The following ADCY8 variants were observed in gnomAD, a reference collection of about 807,000 sequenced individuals.
ADCY8 encodes adenylate cyclase 8, also known as adenylate cyclase type 8.
A neutral mutation model predicts 119.7 loss-of-function variants in ADCY8; 51 were observed. That is an observed-to-expected ratio of 0.43 (90% confidence interval 0.34 to 0.54). ADCY8 has a LOEUF of 0.54. ADCY8 is among the 20% of genes least tolerant of loss of function. The pLI, the probability that ADCY8 is intolerant of heterozygous loss-of-function variation, is 0.03. For missense variants in ADCY8, 1,383 were observed against 1,598.8 expected (o/e 0.87, Z 2.30); for synonymous variants, 665 against 651.0 (o/e 1.02, Z -0.33).
At chr8:130,860,771 C>T (rs1455295402) in intron 9 of ADCY8, among the ~76,000 whole-genome samples, 19 of 152,122 alleles carry the variant, frequency 1.2e-4, no homozygotes, top group Non-Finnish European at 7.4e-5. Flanking sequence ...AGGTATTTGT[C>T]CTAAAGCTCT....
chr8:130,850,601 C>G (rs1292486585), intron 9 of ADCY8, among the ~76,000 whole-genome samples: 2 of 152,138 alleles, frequency 1.3e-5, no homozygotes, highest in South Asian at 2.1e-4. Context: ...ATTTTTCCAT[C>G]TCTATTTCAG....
At chr8:130,978,331 A>C (rs951580450) in intron 2 of ADCY8, among the ~76,000 whole-genome samples, 8 of 152,188 alleles carry the variant, frequency 5.3e-5, no homozygotes, top group African/African-American at 1.4e-4. Flanking sequence ...GACAGTGAGA[A>C]TGAAGAAAGA....
intron 8 of ADCY8, among the ~76,000 whole-genome samples, chr8:130,884,101 C>A (rs983818639): frequency 6.6e-6 from 1 of 152,092 alleles, no homozygotes; most frequent in Non-Finnish European, 1.5e-5. Context: ...CAGCAGACAA[C>A]TGGGGAAAGG....
intron 1 of ADCY8, among the ~76,000 whole-genome samples, chr8:131,021,514 G>A (rs1823666833): frequency 1.3e-5 from 2 of 152,106 alleles, no homozygotes; most frequent in South Asian, 2.1e-4. Flanking sequence ...GGTTCTATAT[G>A]TGATATGGTT....
intron 5 of ADCY8, 61 bp downstream of exon 5, chr8:130,937,012 G>T (rs1170439822): frequency 4.6e-6 from 7 of 1,535,282 alleles, no homozygotes; most frequent in Non-Finnish European, 3.5e-6. Context: ...AAGGGTAGGT[G>T]AAGTGGCCTG....
chr8:130,981,159 A>G (rs866518864), intron 2 of ADCY8, among the ~76,000 whole-genome samples: 101 of 152,350 alleles, frequency 6.6e-4, no homozygotes, highest in African/African-American at 2.3e-3. Context: ...AGACATTTGC[A>G]AAAGATTAGA....
chr8:130,944,280 A>G (rs1821044822), intron 3 of ADCY8, among the ~76,000 whole-genome samples: 2 of 152,200 alleles, frequency 1.3e-5, no homozygotes, highest in South Asian at 4.1e-4. Context: ...GCACTGAGGG[A>G]TATTGCTCCA....
chr8:130,996,404 A>AG (rs34057975), intron 1 of ADCY8, among the ~76,000 whole-genome samples: 1 of 152,186 alleles, frequency 6.6e-6, no homozygotes, highest in Non-Finnish European at 1.5e-5. Context: ...AAGAGATTAG[A>AG]GGGGGGTCTT....
At chr8:130,971,240 C>T (rs896824833) in intron 2 of ADCY8, among the ~76,000 whole-genome samples, 1 of 152,112 alleles carries the variant, frequency 6.6e-6, no homozygotes, top group African/African-American at 2.4e-5. Context: ...TAGACATCAC[C>T]TGTATTTGGT....
chr8:130,929,687 A>G (rs986308031), intron 5 of ADCY8, among the ~76,000 whole-genome samples: 1 of 152,148 alleles, frequency 6.6e-6, no homozygotes, highest in African/African-American at 2.4e-5. Flanking sequence ...ATGTTTCCTT[A>G]TTGATTTCCT....
chr8:130,993,612 A>G (rs1044028459), intron 1 of ADCY8, among the ~76,000 whole-genome samples: 3 of 152,192 alleles, frequency 2.0e-5, no homozygotes, highest in Non-Finnish European at 4.4e-5. Flanking sequence ...ATGGTAGTGA[A>G]TAAGTCTTAA....
chr8:130,808,739 G>A (rs1203618231), intron 14 of ADCY8, among the ~76,000 whole-genome samples: 3 of 152,114 alleles, frequency 2.0e-5, no homozygotes, highest in African/African-American at 4.8e-5. Flanking sequence ...CAGCAAGGTC[G>A]GTATTATTTC....
At chr8:130,857,500 C>T (rs928018234) in intron 9 of ADCY8, among the ~76,000 whole-genome samples, 3 of 152,146 alleles carry the variant, frequency 2.0e-5, no homozygotes, top group Non-Finnish European at 2.9e-5. Flanking sequence ...GCCTCTGACC[C>T]GTAGCATTTC....
intron 2 of ADCY8, among the ~76,000 whole-genome samples, chr8:130,982,364 T>C (rs979806509): frequency 1.3e-5 from 2 of 152,156 alleles, no homozygotes; most frequent in African/African-American, 4.8e-5. Flanking sequence ...CAGGAAACAT[T>C]AGAGGATGCT....
At chr8:130,846,756 C>G (rs1817319993) in intron 11 of ADCY8, among the ~76,000 whole-genome samples, 1 of 129,604 alleles carries the variant, frequency 7.7e-6, no homozygotes, top group African/African-American at 3.1e-5. Flanking sequence ...TACCTTCTGT[C>G]CTTCCTTCCC....
In ADCY8 at chr8:130,989,446, C is replaced by T. The variant is rs1436610423; in HGVS notation, c.1110+947G>A. 2.6e-5 allele frequency among the ~76,000 whole-genome samples: 4 copies of T among 151,866 alleles called. No homozygotes were observed. In the East Asian group the frequency reaches 7.7e-4, roughly 29 times the overall value. On this transcript the variant is annotated intron_variant, in intron 2 of 17. Transcript: ENST00000286355. ...TTATGATTTTTGCAAACTATTATTGCCTAAAGTCTTAAATAAGAAATGTGC... is the reference window on the plus strand; with the variant it reads ...TTATGATTTTTGCAAACTATTATTGTCTAAAGTCTTAAATAAGAAATGTGC...
rs1042678786 is a variant in ADCY8, at chr8:130,788,293, G to A, written c.3061-2818C>T. On this transcript the variant is annotated intron_variant, in intron 15 of 17. Transcript: ENST00000286355. ...AAAAAATGTGTTATATATACACAAC[G>A]GAATACTATTCAGCCATAAAAGAAG... 6.6e-5 allele frequency among the ~76,000 whole-genome samples: 10 copies of A among 152,230 alleles called. No individual in the cohort carries two copies. The South Asian group carries it at 1.2e-3, about 19-fold the overall frequency.
At chr8:130,975,094 C>T (rs1056359325) in intron 2 of ADCY8, among the ~76,000 whole-genome samples, 2 of 152,162 alleles carry the variant, frequency 1.3e-5, no homozygotes, top group Non-Finnish European at 2.9e-5. Context: ...CTCCGAGGCC[C>T]ATGGGCAAGA....
rs184346215 is a variant in ADCY8 at position 130,850,419 on chromosome 8, C to T, written c.2211-616G>A. On this transcript the variant is annotated intron_variant, in intron 9 of 17. Coordinates refer to ENST00000286355, the MANE Select transcript of ADCY8 (RefSeq NM_001115.3). ...CCTGTGTCAGTTGGACACCTGTGCTCGGTGTCAGGATGCTTAGTCAGTCTG... is the reference window on the plus strand; with the variant it reads ...CCTGTGTCAGTTGGACACCTGTGCTTGGTGTCAGGATGCTTAGTCAGTCTG... Among the ~76,000 whole-genome samples the T allele has an allele frequency of 6.6e-3, 1,003 of 152,202 alleles. 12 individuals are homozygous for T. The highest frequency in any genetic ancestry group is 0.023 in the African/African-American group (960 of 41,534).
Sources: allele counts gnomAD v4.1 joint callset (sites outside exome capture counted in the v4.1 genomes callset), GRCh38; gene constraint gnomAD v4.1.1; transcripts MANE v1.5; gene names NCBI Gene and HGNC (gene_info 2026-07-23, HGNC 2026-07-21).